ARFGEF2: variants seen among roughly 807,000 people sequenced by gnomAD.
The protein encoded by ARFGEF2 is brefeldin A-inhibited guanine nucleotide-exchange protein 2.
ARFGEF2 carries 74 observed loss-of-function variants against 219.9 expected under a neutral mutation model. The ratio of observed to expected loss-of-function variants is 0.34; its 90% CI spans 0.28 to 0.41. ARFGEF2 has a LOEUF of 0.41. Among genes scored for constraint, ARFGEF2 ranks in the 10% least tolerant of loss-of-function variants. ARFGEF2 has a pLI of 1.00. For synonymous variants in ARFGEF2, 733 were observed against 799.2 expected (o/e 0.92, Z 1.40); for missense variants, 1,743 against 2,218.3 (o/e 0.79, Z 4.30).
chr20:48,949,256 A>T (rs1426474571), intron 3 of ARFGEF2, among the ~76,000 whole-genome samples: 1 of 152,216 alleles, frequency 6.6e-6, no homozygotes, highest in African/African-American at 2.4e-5. Flanking sequence ...ATCCATGTCC[A>T]GCCTGCTTTG....
intron 25 of ARFGEF2, chr20:48,999,200 T>C (rs1568729870): frequency 4.6e-6 from 2 of 436,310 alleles, no homozygotes; most frequent in Non-Finnish European, 9.1e-6. Flanking sequence ...ATCGCACCAC[T>C]GCACCCCAGC....
At chr20:48,972,850 G>T (rs2091236746) in intron 11 of ARFGEF2, among the ~76,000 whole-genome samples, 1 of 152,178 alleles carries the variant, frequency 6.6e-6, no homozygotes, top group Non-Finnish European at 1.5e-5. Flanking sequence ...TTTTGTAAGA[G>T]TGACACAACT....
At chr20:49,019,087 CCTT>C (rs1158116653) in intron 34 of ARFGEF2, 89 bp downstream of exon 34, 3 of 1,085,738 alleles carry the variant, frequency 2.8e-6, no homozygotes, top group East Asian at 2.7e-5. Flanking sequence ...ACATGATAAG[CCTT>C]CTTCTGCCCT....
In ARFGEF2 at chr20:49,010,247, G is replaced by T; in HGVS notation, c.3600G>T (p.Arg1200=). The change falls in exon 27 of 39, where the codon CGG becomes CGT. Residue 1200 remains arginine (R), a synonymous_variant. Coordinates refer to ENST00000371917, the MANE Select transcript of ARFGEF2 (RefSeq NM_006420.3). The part of the protein sequence containing the change: ...IMKKNRSPTI[R]DMAIRCIAQM... ...CTTTCCTCAGGTCTCCCACCATCCGGGACATGGCGATCCGCTGCATTGCCC... is the reference window on the plus strand; with the variant it reads ...CTTTCCTCAGGTCTCCCACCATCCGTGACATGGCGATCCGCTGCATTGCCC... The T allele has an allele frequency of 6.2e-7, 1 of 1,614,012 alleles. No homozygotes were observed. The highest frequency in any genetic ancestry group is 8.5e-7 in the Non-Finnish European group (1 of 1,179,930).
chr20:49,011,831 ATGTG>A (rs147351722), intron 27 of ARFGEF2, 89 bp from the exon 28 acceptor site: 456 of 1,107,448 alleles, frequency 4.1e-4, no homozygotes, highest in Non-Finnish European at 5.3e-4. Flanking sequence ...TCTCTGATGT[ATGTG>A]TGTGTGTGTG....
chr20:48,993,549 C>A (rs568077330), intron 21 of ARFGEF2, among the ~76,000 whole-genome samples: 2 of 152,158 alleles, frequency 1.3e-5, no homozygotes, highest in Admixed American at 6.5e-5. Flanking sequence ...GTAAGGTCAG[C>A]GTAAAAAGCA....
rs762219707 is a variant in ARFGEF2, at chr20:48,998,373, T to A, written c.3300T>A (p.Asp1100Glu). 1 of 1,614,060 alleles carries A rather than the reference T, an allele frequency of 6.2e-7. No homozygotes were observed. Among genetic ancestry groups the A allele is most frequent in the Admixed American group, 1.7e-5 (1 of 59,992 alleles). The change falls in exon 25 of 39, where the codon GAT (aspartate) becomes GAA (glutamate). Residue 1100 changes from aspartate (D) to glutamate (E), a missense_variant. Coordinates refer to ENST00000371917, the MANE Select transcript of ARFGEF2 (RefSeq NM_006420.3). ...GCTGGCTGTGTGCTGTGTCCATGGA[T>A]GAACTGGCTTCCCCCCACCATCCTC... ...FVRWLCAVSM[D>E]ELASPHHPRM...
chr20:49,026,939 A>G (rs940211485), intron 36 of ARFGEF2, among the ~76,000 whole-genome samples: 7 of 152,016 alleles, frequency 4.6e-5, no homozygotes, highest in Non-Finnish European at 8.8e-5. Context: ...CAATTAAAGA[A>G]TGTCATTTTT....
At chr20:49,011,831 A>ATGTGTGTG (rs147351722) in intron 27 of ARFGEF2, 93 bp from the exon 28 acceptor site, 4 of 1,112,742 alleles carry the variant, frequency 3.6e-6, no homozygotes, top group East Asian at 5.2e-5. Flanking sequence ...TCTCTGATGT[A>ATGTGTGTG]TGTGTGTGTG....
chr20:48,944,560 A>C (rs1322159900), intron 3 of ARFGEF2, among the ~76,000 whole-genome samples: 1 of 152,176 alleles, frequency 6.6e-6, no homozygotes, highest in Non-Finnish European at 1.5e-5. Flanking sequence ...CCCCGGGCTC[A>C]AGTGATTCTC....
chr20:48,984,392 T>C (rs1358347639), intron 14 of ARFGEF2, among the ~76,000 whole-genome samples: 2 of 152,224 alleles, frequency 1.3e-5, no homozygotes, highest in East Asian at 1.9e-4. Context: ...TCTCACTGGC[T>C]AGAAGTTTAT....
chr20:49,016,689 A>G (rs374419363), intron 31 of ARFGEF2, among the ~76,000 whole-genome samples: 2 of 152,156 alleles, frequency 1.3e-5, no homozygotes, highest in African/African-American at 4.8e-5. Flanking sequence ...ATATGTTTGA[A>G]ATTTTCTCTA....
In ARFGEF2 at chr20:49,034,045, A is replaced by T. The variant is rs1206849555; in HGVS notation, c.*846A>T. On this transcript the variant is annotated 3_prime_UTR_variant, in exon 39 of 39. Transcript: ENST00000371917. ...CACACACTCTGAAATCTAATATATG[A>T]AGTAGTAATGAAAATGAAGTAGTAA... is the stretch of plus-strand genomic sequence containing the variant. 1 of 152,230 alleles carries T rather than the reference A, an allele frequency of 6.6e-6. No homozygotes were observed. The highest frequency in any genetic ancestry group is 2.4e-5 in the African/African-American group (1 of 41,460). 9.4% of individuals were successfully genotyped at this position (152,230 alleles called of 1,614,324 possible).
At chr20:48,922,066 C>T in intron 1 of ARFGEF2, 56 bp downstream of exon 1, 1 of 1,542,614 alleles carries the variant, frequency 6.5e-7, no homozygotes, top group South Asian at 1.2e-5. Context: ...CGGCCGTTGC[C>T]CTATCCTACT....
intron 6 of ARFGEF2, among the ~76,000 whole-genome samples, chr20:48,960,014 C>CTTA (rs1208852456): frequency 6.6e-6 from 1 of 152,160 alleles, no homozygotes; most frequent in East Asian, 1.9e-4. Context: ...TTAAAGAGCA[C>CTTA]TAGTAAATAC....
chr20:49,005,834 C>T (rs929723571), intron 26 of ARFGEF2, among the ~76,000 whole-genome samples: 1 of 151,772 alleles, frequency 6.6e-6, no homozygotes, highest in East Asian at 1.9e-4. Flanking sequence ...GCAGAAGCAT[C>T]CTCAAACCAG....
chr20:48,966,164 T>C, intron 8 of ARFGEF2, 141 bp downstream of exon 8: 1 of 1,049,298 alleles, frequency 9.5e-7, no homozygotes, highest in Non-Finnish European at 1.4e-6. Flanking sequence ...GGGCTGATAT[T>C]CTTTGTATTA....
At position 48,963,836 on chromosome 20, in the gene ARFGEF2, A is replaced by T; in HGVS notation, c.845A>T (p.Asp282Val). ...TATTTGGATGTGTGTGTAGGGACTG[A>T]TGACGGAGCCCAGGAGGTGGTGAAG... is the stretch of plus-strand genomic sequence containing the variant. ...RERGSSLSGT[D>V]DGAQEVVKDI... Residue 282 changes from aspartate (D) to valine (V), a missense_variant, in exon 7 of 39, where the codon GAT becomes GTT. Around this residue, in one of 5 missense-constraint regions of ARFGEF2, gnomAD observed 394 missense variants for 426.6 expected, o/e 0.92. Transcript: ENST00000371917. The T allele has an allele frequency of 6.2e-7, 1 of 1,614,044 alleles. No homozygotes were observed. Among genetic ancestry groups the T allele is most frequent in the Non-Finnish European group, 8.5e-7 (1 of 1,179,968 alleles).
At chr20:49,011,859 G>A (rs2091500766) in intron 27 of ARFGEF2, 65 bp from the exon 28 acceptor site, 4 of 1,548,142 alleles carry the variant, frequency 2.6e-6, no homozygotes, top group South Asian at 2.2e-5. Flanking sequence ...GTGCACGCAC[G>A]TGCATTTTTT....
Sources: allele counts gnomAD v4.1 joint callset (sites outside exome capture counted in the v4.1 genomes callset), GRCh38; gene constraint gnomAD v4.1.1; regional missense constraint gnomAD v4.1.1; transcripts MANE v1.5; gene names NCBI Gene and HGNC (gene_info 2026-07-23, HGNC 2026-07-21).